CACNA2D3: variants seen among roughly 807,000 people sequenced by gnomAD.
The protein encoded by CACNA2D3 is voltage-dependent calcium channel subunit alpha-2/delta-3.
CACNA2D3 carries 60 observed loss-of-function variants against 160.6 expected under a neutral mutation model. That is an observed-to-expected ratio of 0.37 (90% CI 0.30 to 0.46). The LOEUF is 0.46. Among genes scored for constraint, CACNA2D3 ranks in the 20% least tolerant of loss-of-function variants. The pLI, the probability that CACNA2D3 is intolerant of heterozygous loss-of-function variation, is 1.00. For synonymous variants in CACNA2D3, 558 were observed against 492.9 expected, an observed-to-expected ratio of 1.13 and a Z score of -1.75; for missense variants, 1,205 against 1,365.0, an observed-to-expected ratio of 0.88 and a Z score of 1.85.
chr3:54,506,920 C>T (rs1701380077), intron 5 of CACNA2D3, among the ~76,000 whole-genome samples: 1 of 152,178 alleles, frequency 6.6e-6, no homozygotes, highest in African/African-American at 2.4e-5. Flanking sequence ...TAAAGCTGAA[C>T]TCTTTTAAGG....
chr3:54,283,163 G>T (rs1031912822), intron 2 of CACNA2D3, among the ~76,000 whole-genome samples: 1 of 152,218 alleles, frequency 6.6e-6, no homozygotes, highest in Non-Finnish European at 1.5e-5. Flanking sequence ...GAGAAGTAAT[G>T]TTGTCCAAAG....
At chr3:54,904,149 C>A (rs947942149) in intron 27 of CACNA2D3, among the ~76,000 whole-genome samples, 8 of 152,198 alleles carry the variant, frequency 5.3e-5, no homozygotes, top group Non-Finnish European at 2.9e-5. Context: ...AGAGCACACA[C>A]AAGAGAAGAG....
chr3:54,363,250 A>G (rs1479610614), intron 3 of CACNA2D3, among the ~76,000 whole-genome samples: 2 of 152,086 alleles, frequency 1.3e-5, no homozygotes, highest in Non-Finnish European at 2.9e-5. Context: ...TTATGAAAGT[A>G]TTATACTACA....
At chr3:54,673,676 A>T (rs536513251) in intron 11 of CACNA2D3, among the ~76,000 whole-genome samples, 56 of 152,380 alleles carry the variant, frequency 3.7e-4, no homozygotes, top group Admixed American at 4.6e-4. Context: ...TTTGAAAAAT[A>T]TCAAAGGTAA....
chr3:54,549,303 G>A (rs987210738), intron 5 of CACNA2D3, among the ~76,000 whole-genome samples: 4 of 152,100 alleles, frequency 2.6e-5, no homozygotes, highest in Admixed American at 6.5e-5. Context: ...AAAATTAGCC[G>A]AATGTGGTGG....
chr3:54,541,521 C>T (rs1227723752), intron 5 of CACNA2D3, among the ~76,000 whole-genome samples: 3 of 152,098 alleles, frequency 2.0e-5, no homozygotes, highest in Non-Finnish European at 4.4e-5. Flanking sequence ...AGGCTTCTGG[C>T]CTCCAGAACT....
chr3:55,007,190 G>A (rs927456610), intron 32 of CACNA2D3, among the ~76,000 whole-genome samples: 6 of 152,134 alleles, frequency 3.9e-5, no homozygotes, highest in Admixed American at 3.9e-4. Flanking sequence ...GGCTTTCAAT[G>A]CCTTCTTTTA....
At chr3:54,518,642 C>A (rs1037099177) in intron 5 of CACNA2D3, among the ~76,000 whole-genome samples, 1 of 152,190 alleles carries the variant, frequency 6.6e-6, no homozygotes, top group African/African-American at 2.4e-5. Context: ...ACATTTTATT[C>A]TAGAGTTTTG....
At chr3:54,248,885 G>A (rs1307089293) in intron 2 of CACNA2D3, among the ~76,000 whole-genome samples, 1 of 152,192 alleles carries the variant, frequency 6.6e-6, no homozygotes, top group Admixed American at 6.5e-5. Context: ...GAAGAAGGTA[G>A]TTGTTAATAA....
At chr3:54,906,310 A>T (rs190124416) in intron 27 of CACNA2D3, among the ~76,000 whole-genome samples, 17 of 152,254 alleles carry the variant, frequency 1.1e-4, no homozygotes, top group Admixed American at 9.8e-4. Flanking sequence ...GAGTAGGATT[A>T]AGAGATGAAA....
intron 4 of CACNA2D3, among the ~76,000 whole-genome samples, chr3:54,407,869 TCTG>T (rs1699603322): frequency 6.6e-6 from 1 of 152,142 alleles, no homozygotes; most frequent in Non-Finnish European, 1.5e-5. Context: ...TGCTCAGAGA[TCTG>T]CTGCTGTGGC....
chr3:54,908,039 G>A (rs990372055), intron 27 of CACNA2D3, among the ~76,000 whole-genome samples: 1 of 152,146 alleles, frequency 6.6e-6, no homozygotes, highest in African/African-American at 2.4e-5. Flanking sequence ...TTTTTGTGCA[G>A]ACCTATGTTT....
intron 35 of CACNA2D3, among the ~76,000 whole-genome samples, chr3:55,033,992 C>G (rs1000360867): frequency 6.7e-6 from 1 of 148,538 alleles, no homozygotes. Context: ...TTCTGTTGTT[C>G]CAAAACATTG....
At position 54,285,954 on chromosome 3, in the gene CACNA2D3, G is replaced by C. The variant is rs866712935; in HGVS notation, c.205-34488G>C. ...ACGTCACCATCATCAAAGACCAAAA[G>C]TAGATAAAACCACAAAGATGGGGAA... On this transcript the variant is annotated intron_variant, in intron 2 of 37. Transcript: ENST00000474759. Among the ~76,000 whole-genome samples the C allele has an allele frequency of 8.9e-4, 135 of 152,252 alleles. 1 individual carries two copies. Among genetic ancestry groups the C allele is most frequent in the Middle Eastern group, 3.4e-3 (1 of 294 alleles).
intron 20 of CACNA2D3, among the ~76,000 whole-genome samples, chr3:54,879,906 A>G (rs1292368222): frequency 6.6e-6 from 1 of 152,296 alleles, no homozygotes; most frequent in Non-Finnish European, 1.5e-5. Flanking sequence ...GTCCTGAAAA[A>G]TGGCTTTGCC....
intron 5 of CACNA2D3, among the ~76,000 whole-genome samples, chr3:54,535,892 A>T (rs11713519): frequency 0.48 from 72,377 of 151,968 alleles, 17,783 homozygotes; most frequent in South Asian, 0.54. Context: ...TCAGCTCTGA[A>T]CTCATTCTTG....
intron 2 of CACNA2D3, among the ~76,000 whole-genome samples, chr3:54,259,407 G>A (rs557910738): frequency 6.6e-6 from 1 of 152,202 alleles, no homozygotes; most frequent in Admixed American, 6.5e-5. Context: ...CTTTAGGTTT[G>A]CTTGTCTAAA....
intron 2 of CACNA2D3, among the ~76,000 whole-genome samples, chr3:54,186,943 G>C (rs1700888706): frequency 6.6e-6 from 1 of 152,178 alleles, no homozygotes; most frequent in Admixed American, 6.5e-5. Flanking sequence ...CTAGTGAGGA[G>C]GGAAAGGAAA....
intron 14 of CACNA2D3, among the ~76,000 whole-genome samples, chr3:54,821,697 T>TTTCTTTCCTCCC (rs753240626): frequency 1.2e-5 from 1 of 84,096 alleles, no homozygotes; most frequent in Non-Finnish European, 2.4e-5. Flanking sequence ...TCTTTCTTTC[T>TTTCTTTCCTCCC]TTCCTTCCTT....
Sources: allele counts gnomAD v4.1 joint callset (sites outside exome capture counted in the v4.1 genomes callset), GRCh38; gene constraint gnomAD v4.1.1; transcripts MANE v1.5; gene names NCBI Gene and HGNC (gene_info 2026-07-23, HGNC 2026-07-21).